The following CNNM2 variants were observed in gnomAD, a reference collection of about 807,000 sequenced individuals.
The protein encoded by CNNM2 is metal transporter CNNM2.
CNNM2 carries 12 observed loss-of-function variants against 66.9 expected under a neutral mutation model. That is an observed-to-expected ratio of 0.18 (90% CI 0.11 to 0.29). The LOEUF (loss-of-function observed/expected upper bound fraction) is 0.29, where lower values mean the gene tolerates loss of function less well. Among genes scored for constraint, CNNM2 ranks in the 10% least tolerant of loss-of-function variants. The pLI, the probability that CNNM2 is intolerant of heterozygous loss-of-function variation, is 1.00. For synonymous variants in CNNM2, 557 were observed against 501.8 expected (o/e 1.11, Z -1.47); for missense variants, 705 against 1,167.7 (o/e 0.60, Z 5.77).
chr10:103,076,326 G>C (rs2065690097), intron 7 of CNNM2, 56 bp downstream of exon 7: 1 of 1,523,206 alleles, frequency 6.6e-7, no homozygotes, highest in Non-Finnish European at 8.9e-7. Flanking sequence ...CAACTTCCCT[G>C]GCAAATTGTC....
chr10:102,953,771 G>T (rs1298403512), intron 1 of CNNM2, among the ~76,000 whole-genome samples: 1 of 150,596 alleles, frequency 6.6e-6, no homozygotes, highest in Non-Finnish European at 1.5e-5. Context: ...ATGCTGGCTA[G>T]GCTGGTCTCT....
chr10:103,007,963 G>A (rs755369646), intron 1 of CNNM2, among the ~76,000 whole-genome samples: 4 of 152,138 alleles, frequency 2.6e-5, no homozygotes, highest in East Asian at 1.9e-4. Flanking sequence ...CCTCTGCCGC[G>A]GCTCCAGCCG....
At chr10:103,017,448 G>T (rs2064476592) in intron 1 of CNNM2, among the ~76,000 whole-genome samples, 1 of 152,134 alleles carries the variant, frequency 6.6e-6, no homozygotes, top group Non-Finnish European at 1.5e-5. Context: ...CTGGCAGGTG[G>T]TATGTATGGC....
chr10:103,052,291 C>CAA lies in CNNM2; in HGVS notation c.1766-2026_1766-2025dup, dbSNP rs796393539. Among the ~76,000 whole-genome samples the CAA allele has an allele frequency of 2.2e-3, 284 of 131,218 alleles. 1 individual carries two copies. The highest frequency in any genetic ancestry group is 7.6e-3 in the African/African-American group (276 of 36,442). The allele number at this position is 131,218 out of a possible 152,430, so 86.1% of individuals were successfully genotyped here. ...TGAGAATCCGTCTCAAAAAAAAAAA[C>CAA]AAAAAAAAAAAAACCCAAACCGAGT... On this transcript the variant is annotated intron_variant, in intron 2 of 7. Coordinates refer to ENST00000369878, the MANE Select transcript of CNNM2 (RefSeq NM_017649.5).
At chr10:103,053,964 T>A (rs1473930807) in intron 2 of CNNM2, among the ~76,000 whole-genome samples, 1 of 152,180 alleles carries the variant, frequency 6.6e-6, no homozygotes, top group Non-Finnish European at 1.5e-5. Flanking sequence ...TGAGCAACAG[T>A]GGACTGTGCA....
Position 103,077,331 on chromosome 10 carries a change from G to A in CNNM2, c.*151G>A, listed in dbSNP as rs1474583800. 6 of 662,062 alleles carry A rather than the reference G, an allele frequency of 9.1e-6. No individual in the cohort carries two copies. Among genetic ancestry groups the A allele is most frequent in the Non-Finnish European group, 1.0e-5 (4 of 395,590 alleles). 41.0% of individuals were successfully genotyped at this position (662,062 alleles called of 1,614,324 possible). A position where few individuals can be genotyped will look rare whatever the true frequency, so the allele number is the denominator to read the frequency against. On this transcript the variant is annotated 3_prime_UTR_variant, in exon 8 of 8. Coordinates refer to ENST00000369878, the MANE Select transcript of CNNM2 (RefSeq NM_017649.5). ...AGACCTTGTGCCCTTCCCAGGAGCC[G>A]CGGAGGAGGACAGTGAGGGAGGAAT...
chr10:103,039,705 T>C (rs879090672), intron 1 of CNNM2, among the ~76,000 whole-genome samples: 2 of 151,856 alleles, frequency 1.3e-5, no homozygotes, highest in Non-Finnish European at 2.9e-5. Flanking sequence ...GCAGCCCCAG[T>C]GGGTTGTGTG....
chr10:103,067,012 TCTC>T (rs779980576), intron 4 of CNNM2, among the ~76,000 whole-genome samples: 10 of 152,190 alleles, frequency 6.6e-5, no homozygotes, highest in Non-Finnish European at 1.0e-4. Flanking sequence ...CAGTAGTTCT[TCTC>T]CTGAAGCTAT....
Position 103,089,965 on chromosome 10 carries a change from C to G in CNNM2, c.*12785C>G. ...CAGGCAGAGCAAAGTAGCTACTCCC[C>G]AAATCCTAACCCCTCTCCTCTGTTA... On this transcript the variant is annotated 3_prime_UTR_variant, in exon 8 of 8. Transcript: ENST00000369878. 17 of 1,410,532 alleles carry G rather than the reference C, an allele frequency of 1.2e-5. No individual in the cohort carries two copies. In the South Asian group the frequency reaches 2.1e-4, roughly 17 times the overall value. The allele number at this position is 1,410,532 out of a possible 1,614,324, so 87.4% of individuals were successfully genotyped here.
rs560072953 is a variant in CNNM2 at position 102,974,686 on chromosome 10, A to G, written c.1621+54585A>G. ...GTAGCTGGGACTGTGGGTACACACT[A>G]CTGTGCCTGGCCAACTTTTAAAATT... On this transcript the variant is annotated intron_variant, in intron 1 of 7. Coordinates refer to ENST00000369878, the MANE Select transcript of CNNM2 (RefSeq NM_017649.5). Among the ~76,000 whole-genome samples the G allele has an allele frequency of 2.0e-5, 3 of 152,008 alleles. No individual in the cohort carries two copies. The East Asian group carries it at 5.8e-4, about 29-fold the overall frequency.
intron 1 of CNNM2, among the ~76,000 whole-genome samples, chr10:102,966,483 C>T (rs574162300): frequency 5.3e-5 from 8 of 152,034 alleles, no homozygotes; most frequent in African/African-American, 1.4e-4. Context: ...ACAAAACAGC[C>T]GGGCTGGGTG....
In CNNM2 at chr10:103,077,018, C is replaced by G. The variant is rs2065703763; in HGVS notation, c.2466C>G (p.Asp822Glu). ...YQNALMASRM[D>E]KTPQSSDSEN... is the part of the protein sequence containing the mutation. ...ATGCCTTGATGGCATCCCGGATGGA[C>G]AAAACCCCCCAGTCTTCAGACAGTG... is the stretch of plus-strand genomic sequence containing the variant. The change falls in exon 8 of 8, where the codon GAC becomes GAG. Residue 822 changes from aspartate (D) to glutamate (E), a missense_variant. Physicochemically the swap from Asp to Glu is conservative, Grantham distance 45. Transcript: ENST00000369878. 1 of 1,613,850 alleles carries G rather than the reference C, an allele frequency of 6.2e-7. No homozygotes were observed. The highest frequency in any genetic ancestry group is 8.5e-7 in the Non-Finnish European group (1 of 1,179,894).
rs2065872540 is a variant in CNNM2 at position 103,087,870 on chromosome 10, C to T, written c.*10690C>T. 1 of 152,128 alleles carries T rather than the reference C, an allele frequency of 6.6e-6. No homozygotes were observed. Among genetic ancestry groups the T allele is most frequent in the Admixed American group, 6.5e-5 (1 of 15,270 alleles). The allele number at this position is 152,128 out of a possible 1,614,324, so 9.4% of individuals were successfully genotyped here. ...GACTTAATCTGAAGCCATATAAGTC[C>T]AAAGTAGTGAGACAGACAGTATATC... On this transcript the variant is annotated 3_prime_UTR_variant, in exon 8 of 8. Coordinates refer to ENST00000369878, the MANE Select transcript of CNNM2 (RefSeq NM_017649.5).
intron 1 of CNNM2, among the ~76,000 whole-genome samples, chr10:103,037,712 C>A (rs933091480): frequency 1.1e-4 from 17 of 152,104 alleles, no homozygotes; most frequent in African/African-American, 4.1e-4. Context: ...TATAAAATAT[C>A]TTTTAGCTCA....
chr10:102,924,064 G>A (rs1251309399), intron 1 of CNNM2, among the ~76,000 whole-genome samples: 1 of 152,126 alleles, frequency 6.6e-6, no homozygotes, highest in Non-Finnish European at 1.5e-5. Context: ...TTTTTTGTGT[G>A]TGTTAGTTTT....
intron 1 of CNNM2, among the ~76,000 whole-genome samples, chr10:103,000,308 CTGTG>C (rs1269711099): frequency 6.6e-6 from 1 of 151,704 alleles, no homozygotes; most frequent in Non-Finnish European, 1.5e-5. Context: ...CTATAGAAAA[CTGTG>C]TGGCATCTCC....
In CNNM2 at chr10:103,089,619, G is replaced by GT. The variant is rs2066172618; in HGVS notation, c.*12440dup. On this transcript the variant is annotated 3_prime_UTR_variant, in exon 8 of 8. Transcript: ENST00000369878. ...CCTAACAGGGACCTCGTTTGTTCCT[G>GT]TGAGTCCTGCCAGGACTTGTTTAAT... 6.6e-7 allele frequency: 1 copy of GT among 1,514,504 alleles called. No homozygotes were observed. The highest frequency in any genetic ancestry group is 1.3e-5 in the South Asian group (1 of 74,402). 93.8% of individuals were successfully genotyped at this position (1,514,504 alleles called of 1,614,324 possible).
At chr10:103,056,170 G>T (rs1315619350) in intron 3 of CNNM2, among the ~76,000 whole-genome samples, 2 of 151,870 alleles carry the variant, frequency 1.3e-5, no homozygotes, top group Admixed American at 1.3e-4. Flanking sequence ...ATAGAGTCCA[G>T]TTGTAGGATA....
chr10:103,053,351 CA>C (rs1246949329), intron 2 of CNNM2, among the ~76,000 whole-genome samples: 1 of 151,994 alleles, frequency 6.6e-6, no homozygotes, highest in African/African-American at 2.4e-5. Context: ...TCTGTCTCTA[CA>C]AAAAAAATTT....
Sources: allele counts gnomAD v4.1 joint callset (sites outside exome capture counted in the v4.1 genomes callset), GRCh38; gene constraint gnomAD v4.1.1; transcripts MANE v1.5; gene names NCBI Gene and HGNC (gene_info 2026-07-23, HGNC 2026-07-21).